Variants in SCG5 observed in about 807,000 individuals in gnomAD.
SCG5 encodes secretogranin V, also known as neuroendocrine protein 7B2.
SCG5 carries 18 observed loss-of-function variants against 25.7 expected under a neutral mutation model. That is an observed-to-expected ratio of 0.70 (90% CI 0.48 to 1.04). SCG5 has a LOEUF of 1.04. Among genes scored for constraint, SCG5 ranks in the 50% least tolerant of loss-of-function variants. The pLI is 0.00. For synonymous variants in SCG5, 101 were observed against 91.7 expected (o/e 1.10, Z -0.58); for missense variants, 206 against 259.8 (o/e 0.79, Z 1.42).
In SCG5 at chr15:32,696,614, A is replaced by G. The variant is rs1039367462; in HGVS notation, c.*5A>G. ...GAGGATAAGGATCCAGAGTAAAGAGAAGATGCTAGACGAAAACCCACATTA... is the reference window on the plus strand; with the variant it reads ...GAGGATAAGGATCCAGAGTAAAGAGGAGATGCTAGACGAAAACCCACATTA... On this transcript the variant is annotated 3_prime_UTR_variant, in exon 6 of 6. Coordinates refer to ENST00000300175, the MANE Select transcript of SCG5 (RefSeq NM_001144757.3). 4 of 1,602,756 alleles carry G rather than the reference A, an allele frequency of 2.5e-6. No individual in the cohort carries two copies. Among genetic ancestry groups the G allele is most frequent in the Non-Finnish European group, 3.4e-6 (4 of 1,171,022 alleles).
At chr15:32,671,503 C>T (rs2140550253) in intron 2 of SCG5, among the ~76,000 whole-genome samples, 1 of 152,236 alleles carries the variant, frequency 6.6e-6, no homozygotes, top group African/African-American at 2.4e-5. Flanking sequence ...ATCTGTTTCT[C>T]CCTCTCCTGC....
chr15:32,666,022 T>C (rs2054312602), intron 2 of SCG5: 1 of 152,190 alleles, frequency 6.6e-6, no homozygotes, highest in Non-Finnish European at 1.5e-5. Context: ...TATGAGCTAT[T>C]AAATAGGGAA....
intron 2 of SCG5, 38 bp downstream of exon 2, chr15:32,643,856 G>A (rs764927870): frequency 6.5e-6 from 10 of 1,548,802 alleles, no homozygotes; most frequent in Non-Finnish European, 8.9e-6. Flanking sequence ...GTTTCCGTTA[G>A]CATTTTAAAT....
chr15:32,665,223 T>C (rs373661548), intron 2 of SCG5, among the ~76,000 whole-genome samples: 5 of 152,288 alleles, frequency 3.3e-5, no homozygotes, highest in South Asian at 4.1e-4. Context: ...CTGAAACAAT[T>C]AGAATAACAC....
intron 2 of SCG5, among the ~76,000 whole-genome samples, chr15:32,661,064 C>T (rs571286627): frequency 6.6e-5 from 10 of 152,192 alleles, no homozygotes; most frequent in Non-Finnish European, 1.2e-4. Flanking sequence ...CTACTATGTG[C>T]CAAACACTTT....
At chr15:32,657,415 G>A (rs1235685450) in intron 2 of SCG5, among the ~76,000 whole-genome samples, 3 of 151,032 alleles carry the variant, frequency 2.0e-5, no homozygotes, top group Non-Finnish European at 4.4e-5. Context: ...ACTGTAATGA[G>A]GATGGATGCT....
At chr15:32,687,379 T>C (rs946722416) in intron 4 of SCG5, among the ~76,000 whole-genome samples, 4 of 152,204 alleles carry the variant, frequency 2.6e-5, no homozygotes, top group African/African-American at 9.6e-5. Context: ...ATATTAGAGA[T>C]CAATGACCAG....
At chr15:32,662,117 T>G (rs1047283578) in intron 2 of SCG5, among the ~76,000 whole-genome samples, 2 of 152,224 alleles carry the variant, frequency 1.3e-5, no homozygotes, top group African/African-American at 2.4e-5. Context: ...CATTTAGAGT[T>G]TTTCCAGTTT....
chr15:32,691,701 C>G lies in SCG5; in HGVS notation c.490-9C>G, dbSNP rs551618319. On this transcript the variant is annotated splice_polypyrimidine_tract_variant and intron_variant, in intron 4 of 5. Transcript: ENST00000300175. ...CTGCATTTTTTGTTTTCTTTTCTCC[C>G]CATTCTAGAACAAGAAACTCCTTTA... The G allele has an allele frequency of 2.8e-5, 44 of 1,598,814 alleles. No individual in the cohort carries two copies. In the East Asian group the frequency reaches 9.6e-4, roughly 35 times the overall value.
Position 32,690,913 on chromosome 15 carries a change from A to G in SCG5, c.490-797A>G, listed in dbSNP as rs188481426. On this transcript the variant is annotated intron_variant, in intron 4 of 5. Transcript: ENST00000300175. ...AAAAAAATCAAATAAATAAAACAAC[A>G]CAAGTAAAGCCCCCCCCCACCGCCA... Among the ~76,000 whole-genome samples the G allele has an allele frequency of 3.0e-3, 450 of 149,238 alleles. 3 individuals are homozygous for G. Among genetic ancestry groups the G allele is most frequent in the African/African-American group, 0.01 (430 of 41,126 alleles).
intron 2 of SCG5, among the ~76,000 whole-genome samples, chr15:32,662,892 A>G (rs1203195116): frequency 6.6e-6 from 1 of 151,724 alleles, no homozygotes; most frequent in African/African-American, 2.4e-5. Flanking sequence ...GGTGGTCACA[A>G]GCGAGGTGAT....
intron 2 of SCG5, among the ~76,000 whole-genome samples, chr15:32,649,834 G>A (rs58728457): frequency 0.19 from 28,157 of 152,112 alleles, 2,890 homozygotes; most frequent in South Asian, 0.27. Flanking sequence ...GGGTTAACCC[G>A]TAGCCGTACT....
At chr15:32,675,582 C>A (rs62001857) in intron 2 of SCG5, among the ~76,000 whole-genome samples, 3,974 of 152,252 alleles carry the variant, frequency 0.026, 81 homozygotes, top group Middle Eastern at 0.085. Context: ...GAATGAAGAA[C>A]GAACTAGAGA....
intron 4 of SCG5, among the ~76,000 whole-genome samples, chr15:32,686,953 C>T (rs1437418103): frequency 1.3e-5 from 2 of 152,154 alleles, no homozygotes; most frequent in African/African-American, 4.8e-5. Flanking sequence ...GAACTGAGGA[C>T]TGGTGTGGCT....
intron 5 of SCG5, among the ~76,000 whole-genome samples, chr15:32,694,834 A>G (rs2054926077): frequency 6.6e-6 from 1 of 152,226 alleles, no homozygotes; most frequent in Admixed American, 6.5e-5. Context: ...ACATTTGTAA[A>G]TGCTAAACTC....
At chr15:32,684,720 G>A in intron 4 of SCG5, 51 bp downstream of exon 4, 1 of 1,195,190 alleles carries the variant, frequency 8.4e-7, no homozygotes. Context: ...TACTCTGAAG[G>A]TGCTGATGGC....
At chr15:32,661,811 A>T (rs904506241) in intron 2 of SCG5, among the ~76,000 whole-genome samples, 4 of 152,108 alleles carry the variant, frequency 2.6e-5, no homozygotes, top group African/African-American at 9.7e-5. Context: ...ATTTTTTCTT[A>T]TGAAGATAAT....
At chr15:32,660,415 C>T (rs567206727) in intron 2 of SCG5, among the ~76,000 whole-genome samples, 3 of 152,338 alleles carry the variant, frequency 2.0e-5, no homozygotes, top group Non-Finnish European at 4.4e-5. Context: ...CTCCCTCATT[C>T]GGTTTGGACA....
intron 2 of SCG5, among the ~76,000 whole-genome samples, chr15:32,672,556 A>T (rs994087148): frequency 6.6e-6 from 1 of 152,212 alleles, no homozygotes; most frequent in Non-Finnish European, 1.5e-5. Flanking sequence ...AGTCACTGAC[A>T]CCGGAGATCC....
Sources: gnomAD v4.1 joint callset for allele counts (sites outside exome capture counted in the v4.1 genomes callset) on GRCh38, gnomAD v4.1.1 for gene constraint, MANE v1.5 for transcripts, NCBI Gene and HGNC (gene_info 2026-07-23, HGNC 2026-07-21) for gene names.